CALB2: variants seen among roughly 807,000 people sequenced by gnomAD.
CALB2 encodes calbindin 2, also known as calretinin.
Under a neutral mutation model 45.9 loss-of-function variants are expected in CALB2, and 34 were observed. The observed-to-expected ratio is 0.74, with a 90% CI of 0.56 to 0.99. The LOEUF (loss-of-function observed/expected upper bound fraction) is 0.99. Ranked by LOEUF, CALB2 falls within the 50% of genes least tolerant of loss-of-function variation. The pLI, the probability that CALB2 is intolerant of heterozygous loss-of-function variation, is 0.00. For synonymous variants in CALB2, 142 were observed against 129.6 expected, an observed-to-expected ratio of 1.10 and a Z score of -0.65; for missense variants, 344 against 339.3, an observed-to-expected ratio of 1.01 and a Z score of -0.11.
Position 71,358,813 on chromosome 16 carries a change from G to A in CALB2, c.21G>A (p.Gln7=), listed in dbSNP as rs756943994. ...TCGCCATGGCTGGCCCGCAGCAGCAGCCCCCTTACCTGCACCTGGCCGAGC... is the reference window on the plus strand; with the variant it reads ...TCGCCATGGCTGGCCCGCAGCAGCAACCCCCTTACCTGCACCTGGCCGAGC... MAGPQQ[Q]PPYLHLAELT... The change falls in exon 1 of 11, where the codon CAG becomes CAA. Residue 7 remains glutamine, a synonymous_variant. Transcript: ENST00000302628. 1.2e-6 allele frequency: 2 copies of A among 1,610,234 alleles called. No homozygotes were observed. Among genetic ancestry groups the A allele is most frequent in the South Asian group, 1.1e-5 (1 of 90,194 alleles).
At chr16:71,379,150 G>A (rs1401469613) in intron 4 of CALB2, among the ~76,000 whole-genome samples, 1 of 152,048 alleles carries the variant, frequency 6.6e-6, no homozygotes, top group East Asian at 1.9e-4. Flanking sequence ...GGTGGTGCAT[G>A]CCTGTAATCC....
intron 10 of CALB2, 164 bp from the exon 11 acceptor site, chr16:71,389,581 CTCCA>C: frequency 5.3e-6 from 4 of 753,540 alleles, no homozygotes; most frequent in Non-Finnish European, 7.3e-6. Flanking sequence ...AGGCTTTAAC[CTCCA>C]TCTGTCTGAC....
chr16:71,384,912 G>A, intron 9 of CALB2, 76 bp downstream of exon 9: 1 of 1,280,668 alleles, frequency 7.8e-7, no homozygotes, highest in Non-Finnish European at 1.1e-6. Context: ...CTTCATCCCT[G>A]GGAAGAGACA....
chr16:71,374,695 G>A, intron 2 of CALB2, 50 bp from the exon 3 acceptor site: 1 of 1,273,832 alleles, frequency 7.9e-7, no homozygotes. Context: ...TGAGATCATG[G>A]TTCACATGAG....
intron 1 of CALB2, among the ~76,000 whole-genome samples, chr16:71,365,123 G>A (rs549316198): frequency 1.2e-4 from 18 of 152,326 alleles, no homozygotes; most frequent in Non-Finnish European, 2.1e-4. Flanking sequence ...GGATTTGACT[G>A]TCCCAGAGGG....
intron 3 of CALB2, among the ~76,000 whole-genome samples, chr16:71,376,520 CACAT>C (rs530958285): frequency 1.0e-3 from 157 of 152,264 alleles, no homozygotes; most frequent in African/African-American, 3.7e-3. Context: ...CACATACATC[CACAT>C]ACAACCACAT....
intron 1 of CALB2, 141 bp from the exon 2 acceptor site, chr16:71,372,012 A>G (rs764920315): frequency 6.1e-6 from 4 of 655,520 alleles, no homozygotes; most frequent in Non-Finnish European, 1.1e-5. Context: ...GGCTGGACCC[A>G]CACCCCTAGC....
At chr16:71,364,472 C>G (rs1392985476) in intron 1 of CALB2, among the ~76,000 whole-genome samples, 2 of 152,216 alleles carry the variant, frequency 1.3e-5, no homozygotes, top group Non-Finnish European at 2.9e-5. Flanking sequence ...AAGAACAGTG[C>G]CTCTCCAGCC....
intron 10 of CALB2, chr16:71,389,458 C>T: frequency 1.8e-6 from 1 of 554,916 alleles, no homozygotes; most frequent in Non-Finnish European, 3.5e-6. Context: ...GTAATCATCG[C>T]AACACCTCCA....
At chr16:71,383,924 G>C (rs768205546) in intron 6 of CALB2, 46 bp from the exon 7 acceptor site, 2 of 1,608,220 alleles carry the variant, frequency 1.2e-6, no homozygotes, top group Non-Finnish European at 1.7e-6. Flanking sequence ...TGTCAGGTCA[G>C]AGAAATTCAC....
At chr16:71,384,144 A>G in intron 7 of CALB2, 119 bp downstream of exon 7, 1 of 1,186,474 alleles carries the variant, frequency 8.4e-7, no homozygotes, top group Non-Finnish European at 1.3e-6. Flanking sequence ...AGCTCAAGAC[A>G]AAGCAAGATA....
intron 4 of CALB2, 58 bp downstream of exon 4, chr16:71,377,805 C>A: frequency 7.9e-7 from 1 of 1,264,186 alleles, no homozygotes; most frequent in Non-Finnish European, 1.2e-6. Flanking sequence ...CTCCTGTGTT[C>A]AGAGCCAGGC....
chr16:71,364,379 T>C (rs1567534239), intron 1 of CALB2, among the ~76,000 whole-genome samples: 1 of 152,168 alleles, frequency 6.6e-6, no homozygotes, highest in Non-Finnish European at 1.5e-5. Flanking sequence ...TGAGGGAGGT[T>C]TCCAGGGCTA....
Position 71,384,002 on chromosome 16 carries a change from A to C in CALB2, c.510A>C (p.Lys170Asn), listed in dbSNP as rs1168132207. Residue 170 changes from lysine (K) to asparagine (N), a missense_variant, in exon 7 of 11, where the codon AAA becomes AAC. Lys to Asn is a moderately conservative substitution (Grantham distance 94). Transcript: ENST00000302628. The part of the protein sequence containing the change: ...LRMFDLNGDG[K>N]LGLSEMSRLL... ...TGTTTGACTTGAACGGGGATGGCAA[A>C]TTGGGCCTCTCAGAGATGTCCCGGT... is the stretch of plus-strand genomic sequence containing the variant. The C allele has an allele frequency of 6.2e-7, 1 of 1,613,678 alleles. No individual in the cohort carries two copies. Among genetic ancestry groups the C allele is most frequent in the Non-Finnish European group, 8.5e-7 (1 of 1,179,854 alleles).
intron 1 of CALB2, among the ~76,000 whole-genome samples, chr16:71,363,164 A>G (rs986076587): frequency 2.0e-5 from 3 of 152,244 alleles, no homozygotes; most frequent in Non-Finnish European, 4.4e-5. Flanking sequence ...CAGCCTGGGC[A>G]ACAGAGCCAG....
intron 4 of CALB2, among the ~76,000 whole-genome samples, chr16:71,377,997 C>T (rs1019247843): frequency 2.0e-5 from 3 of 152,140 alleles, no homozygotes; most frequent in African/African-American, 4.8e-5. Flanking sequence ...CCGAGGCAGG[C>T]GGATCACCTG....
chr16:71,382,582 C>T (rs891572811), intron 4 of CALB2, 137 bp from the exon 5 acceptor site: 56 of 789,488 alleles, frequency 7.1e-5, no homozygotes, highest in African/African-American at 1.7e-5. Context: ...GTCTGGGCTA[C>T]ATCATCTCCA....
chr16:71,373,615 C>A (rs2042378044), intron 2 of CALB2, among the ~76,000 whole-genome samples: 1 of 152,170 alleles, frequency 6.6e-6, no homozygotes, highest in African/African-American at 2.4e-5. Context: ...GTTCTCAGAG[C>A]AGCTGTTATA....
At chr16:71,379,650 G>T (rs139860589) in intron 4 of CALB2, among the ~76,000 whole-genome samples, 48 of 152,176 alleles carry the variant, frequency 3.2e-4, no homozygotes, top group African/African-American at 1.1e-3. Context: ...ACTGGCCTTC[G>T]ACGTGACTCT....
Sources: allele counts gnomAD v4.1 joint callset (sites outside exome capture counted in the v4.1 genomes callset), GRCh38; gene constraint gnomAD v4.1.1; transcripts MANE v1.5; gene names NCBI Gene and HGNC (gene_info 2026-07-23, HGNC 2026-07-21).